EYA1: variants seen among roughly 807,000 people sequenced by gnomAD.
The protein encoded by EYA1 is protein phosphatase EYA1.
EYA1 carries 16 observed loss-of-function variants against 82.0 expected under a neutral mutation model. The ratio of observed to expected loss-of-function variants is 0.20; its 90% CI spans 0.13 to 0.30. EYA1 has a LOEUF of 0.30. Among genes scored for constraint, EYA1 ranks in the 10% least tolerant of loss-of-function variants. The pLI is 1.00. For missense variants in EYA1, 633 were observed against 730.7 expected, an observed-to-expected ratio of 0.87 and a Z score of 1.54; for synonymous variants, 261 against 264.4, an observed-to-expected ratio of 0.99 and a Z score of 0.12.
At chr8:71,344,037 T>C (rs1439789867) in intron 3 of EYA1, among the ~76,000 whole-genome samples, 2 of 152,190 alleles carry the variant, frequency 1.3e-5, no homozygotes, top group Admixed American at 1.3e-4. Flanking sequence ...ATCTTATTTT[T>C]AATATATTTT....
intron 9 of EYA1, among the ~76,000 whole-genome samples, chr8:71,283,102 C>T (rs1818001037): frequency 6.7e-6 from 1 of 150,060 alleles, no homozygotes. Context: ...TCTACTACAG[C>T]TTCTCTTCCT....
At chr8:71,299,264 G>C in intron 8 of EYA1, 31 bp from the exon 9 acceptor site, 1 of 1,598,708 alleles carries the variant, frequency 6.3e-7, no homozygotes. Flanking sequence ...AGAATTGTCT[G>C]TCAAAATACT....
At chr8:71,275,530 G>C (rs1193598690) in intron 9 of EYA1, among the ~76,000 whole-genome samples, 1 of 152,172 alleles carries the variant, frequency 6.6e-6, no homozygotes. Flanking sequence ...GGAAATGAGT[G>C]TTGTTAAAGA....
At chr8:71,533,497 G>A (rs1446822318) in intron 2 of EYA1, among the ~76,000 whole-genome samples, 1 of 152,208 alleles carries the variant, frequency 6.6e-6, no homozygotes, top group Non-Finnish European at 1.5e-5. Context: ...GAGCACTTGG[G>A]ATACTGGTCC....
At chr8:71,382,211 A>T (rs1220887970) in intron 2 of EYA1, among the ~76,000 whole-genome samples, 3 of 152,194 alleles carry the variant, frequency 2.0e-5, no homozygotes, top group Non-Finnish European at 4.4e-5. Flanking sequence ...ACCAGATGAA[A>T]GTAGATAAAA....
At chr8:71,286,408 A>G (rs1818364139) in intron 9 of EYA1, among the ~76,000 whole-genome samples, 1 of 152,214 alleles carries the variant, frequency 6.6e-6, no homozygotes. Context: ...CCCTGGAATC[A>G]GGCATCTTGT....
At chr8:71,285,092 G>A (rs1818221864) in intron 9 of EYA1, among the ~76,000 whole-genome samples, 1 of 152,180 alleles carries the variant, frequency 6.6e-6, no homozygotes, top group African/African-American at 2.4e-5. Flanking sequence ...CTCAATGGCT[G>A]GTAATGAAAC....
chr8:71,382,402 G>C (rs1414656618), intron 2 of EYA1, among the ~76,000 whole-genome samples: 1 of 151,904 alleles, frequency 6.6e-6, no homozygotes, highest in East Asian at 1.9e-4. Flanking sequence ...ACAATAAAAA[G>C]AGCAAATATC....
At chr8:71,522,178 C>T (rs1050814812) in intron 2 of EYA1, among the ~76,000 whole-genome samples, 4 of 152,114 alleles carry the variant, frequency 2.6e-5, no homozygotes, top group Non-Finnish European at 5.9e-5. Context: ...AAGGAACAGC[C>T]GAGAGCATTA....
intron 9 of EYA1, among the ~76,000 whole-genome samples, chr8:71,295,324 C>T (rs1365858738): frequency 1.3e-5 from 2 of 152,104 alleles, no homozygotes; most frequent in Non-Finnish European, 2.9e-5. Flanking sequence ...TGCAAAACAC[C>T]TATCTGATAA....
chr8:71,441,366 C>T (rs1169636907), intron 2 of EYA1, among the ~76,000 whole-genome samples: 3 of 152,062 alleles, frequency 2.0e-5, no homozygotes, highest in Non-Finnish European at 2.9e-5. Context: ...GCTGTGAGCA[C>T]ACCACTGCAC....
intron 2 of EYA1, among the ~76,000 whole-genome samples, chr8:71,453,104 C>T (rs1481632096): frequency 2.6e-5 from 4 of 152,140 alleles, no homozygotes; most frequent in African/African-American, 9.7e-5. Context: ...AACCATGGCA[C>T]AAGAACTACG....
chr8:71,365,829 A>G (rs1433799591), upstream of EYA1, among the ~76,000 whole-genome samples: 2 of 152,160 alleles, frequency 1.3e-5, no homozygotes, highest in Non-Finnish European at 2.9e-5. Flanking sequence ...AATGCAACCA[A>G]GTAAAACATC....
chr8:71,507,690 G>A (rs1298959943), intron 2 of EYA1, among the ~76,000 whole-genome samples: 1 of 152,214 alleles, frequency 6.6e-6, no homozygotes, highest in Non-Finnish European at 1.5e-5. Context: ...GAAGAAAGCA[G>A]TCTTCTATCC....
At chr8:71,540,129 T>A (rs78521153) in intron 1 of EYA1, among the ~76,000 whole-genome samples, 4 of 151,252 alleles carry the variant, frequency 2.6e-5, no homozygotes, top group Non-Finnish European at 4.4e-5. Context: ...GTACATAAAA[T>A]AAAAAAAAAT....
chr8:71,491,273 A>T, intron 2 of EYA1, among the ~76,000 whole-genome samples: 1 of 152,212 alleles, frequency 6.6e-6, no homozygotes, highest in East Asian at 1.9e-4. Flanking sequence ...ACTAAGAGAA[A>T]AAAAGAAAGG....
intron 2 of EYA1, among the ~76,000 whole-genome samples, chr8:71,520,623 A>G (rs947301608): frequency 6.6e-6 from 1 of 152,092 alleles, no homozygotes; most frequent in Non-Finnish European, 1.5e-5. Context: ...AAACAGAATC[A>G]CACCTCTGAG....
intron 1 of EYA1, among the ~76,000 whole-genome samples, chr8:71,360,304 T>C (rs566761547): frequency 2.0e-5 from 3 of 152,390 alleles, no homozygotes; most frequent in African/African-American, 7.2e-5. Context: ...AAATGTTGAA[T>C]GAAATACTTT....
At chr8:71,422,453 G>A (rs550119416) in intron 2 of EYA1, among the ~76,000 whole-genome samples, 8 of 152,206 alleles carry the variant, frequency 5.3e-5, no homozygotes, top group Admixed American at 1.3e-4. Flanking sequence ...CAATGCCCTC[G>A]GCAGACTCAT....
Sources: gnomAD v4.1 joint callset for allele counts (sites outside exome capture counted in the v4.1 genomes callset) on GRCh38, gnomAD v4.1.1 for gene constraint, MANE v1.5 for transcripts, NCBI Gene and HGNC (gene_info 2026-07-23, HGNC 2026-07-21) for gene names.